MAD1L1: variants seen among roughly 807,000 people sequenced by gnomAD.
MAD1L1 encodes the protein mitotic spindle assembly checkpoint protein MAD1.
In MAD1L1, 95 loss-of-function variants were observed where a neutral mutation model predicts 96.9. That is an observed-to-expected ratio of 0.98 (90% CI 0.83 to 1.16). The LOEUF is 1.16. Ranked by LOEUF, MAD1L1 falls within the 50% of genes most tolerant of loss-of-function variation. The pLI is 0.00. For synonymous variants in MAD1L1, 473 were observed against 396.6 expected (o/e 1.19, Z -2.29); for missense variants, 1,007 against 954.4 (o/e 1.06, Z -0.73).
chr7:1,913,275 G>A (rs1164190256), intron 17 of MAD1L1, among the ~76,000 whole-genome samples: 2 of 151,826 alleles, frequency 1.3e-5, no homozygotes, highest in African/African-American at 4.8e-5. Flanking sequence ...TGGAAGGAGA[G>A]GGGCAAGGAG....
At chr7:1,902,614 C>G (rs1044197628) in intron 17 of MAD1L1, among the ~76,000 whole-genome samples, 1 of 152,256 alleles carries the variant, frequency 6.6e-6, no homozygotes, top group African/African-American at 2.4e-5. Context: ...CGCCCTTCCC[C>G]GGGGCCTGAG....
At chr7:1,859,945 A>ATGTGACATC in intron 18 of MAD1L1, among the ~76,000 whole-genome samples, 1 of 128,506 alleles carries the variant, frequency 7.8e-6, no homozygotes, top group South Asian at 2.3e-4. Context: ...GTCTCCCTAG[A>ATGTGACATC]CGTGACATCC....
At chr7:2,090,709 G>A (rs1786166488) in intron 11 of MAD1L1, among the ~76,000 whole-genome samples, 1 of 152,234 alleles carries the variant, frequency 6.6e-6, no homozygotes, top group Non-Finnish European at 1.5e-5. Context: ...GTTGAGGCTG[G>A]ACTGGAGCTA....
At chr7:2,006,976 G>A (rs923326119) in intron 13 of MAD1L1, among the ~76,000 whole-genome samples, 10 of 152,176 alleles carry the variant, frequency 6.6e-5, no homozygotes, top group Non-Finnish European at 1.0e-4. Context: ...GCTCAGAGCC[G>A]CGGGAGGGGA....
chr7:1,896,051 C>T (rs2128440850), intron 18 of MAD1L1, among the ~76,000 whole-genome samples: 2 of 152,352 alleles, frequency 1.3e-5, no homozygotes, highest in East Asian at 3.9e-4. Flanking sequence ...AGCCCGGCCT[C>T]CCGTACGCTG....
chr7:1,824,836 C>G (rs1035633028), intron 18 of MAD1L1, among the ~76,000 whole-genome samples: 2 of 152,014 alleles, frequency 1.3e-5, no homozygotes, highest in Non-Finnish European at 2.9e-5. Context: ...GAGAATCTGA[C>G]GCGTCCCAGG....
intron 12 of MAD1L1, among the ~76,000 whole-genome samples, chr7:2,060,589 A>C (rs1004116832): frequency 1.3e-5 from 2 of 152,204 alleles, no homozygotes; most frequent in Non-Finnish European, 2.9e-5. Flanking sequence ...TGGAAGGAGG[A>C]GGCAACGACG....
intron 18 of MAD1L1, among the ~76,000 whole-genome samples, chr7:1,824,873 C>T (rs879869354): frequency 1.1e-4 from 17 of 151,950 alleles, no homozygotes; most frequent in African/African-American, 3.6e-4. Flanking sequence ...TGGGGCGAGC[C>T]GGGGAGAAGA....
chr7:2,128,839 A>G (rs1788365727), intron 11 of MAD1L1, among the ~76,000 whole-genome samples: 2 of 152,168 alleles, frequency 1.3e-5, no homozygotes, highest in African/African-American at 2.4e-5. Context: ...CAGGAGCACA[A>G]GGCCCCATCT....
intron 10 of MAD1L1, among the ~76,000 whole-genome samples, chr7:2,189,300 C>G (rs1375819724): frequency 6.6e-6 from 1 of 152,212 alleles, no homozygotes; most frequent in East Asian, 1.9e-4. Flanking sequence ...CCACAGGATC[C>G]AGCAGGTTGA....
At chr7:2,225,065 C>T (rs1207563594) in intron 4 of MAD1L1, among the ~76,000 whole-genome samples, 2 of 152,224 alleles carry the variant, frequency 1.3e-5, no homozygotes, top group African/African-American at 4.8e-5. Flanking sequence ...ACAGACACAG[C>T]AAGTGTTCCC....
chr7:2,161,987 G>GGCCAGCCAC, intron 10 of MAD1L1, among the ~76,000 whole-genome samples: 3 of 141,436 alleles, frequency 2.1e-5, no homozygotes, highest in Admixed American at 2.1e-4. Flanking sequence ...GGCGGCCCCC[G>GGCCAGCCAC]CCCATCCGGG....
At position 2,137,915 on chromosome 7, in the gene MAD1L1, G is replaced by A. The variant is rs372278576; in HGVS notation, c.1073+11237C>T. ...TGATGGCAGCTGCTGCTCACAGAGC[G>A]TTTCTGTGCCGACGGTGCCATGTCG... is the stretch of plus-strand genomic sequence containing the variant. On this transcript the variant is annotated intron_variant, in intron 11 of 18. Coordinates refer to ENST00000265854, the MANE Select transcript of MAD1L1 (RefSeq NM_001013836.2). Among the ~76,000 whole-genome samples the A allele has an allele frequency of 6.6e-5, 10 of 152,352 alleles. No homozygotes were observed. The East Asian group carries it at 9.6e-4, about 15-fold the overall frequency.
Position 1,972,684 on chromosome 7 carries a change from T to A in MAD1L1, c.1505+7769A>T, listed in dbSNP as rs866570199. ...TTTTAATTTCATTGCTTTTTGCTCA[T>A]GTTATTTCCTTCATCCATGCTTGCT... On this transcript the variant is annotated intron_variant, in intron 15 of 18. Coordinates refer to ENST00000265854, the MANE Select transcript of MAD1L1 (RefSeq NM_001013836.2). Among the ~76,000 whole-genome samples, 8 of 152,176 alleles carry A rather than the reference T, an allele frequency of 5.3e-5. No individual in the cohort carries two copies. The South Asian group carries it at 6.2e-4, about 12-fold the overall frequency.
chr7:2,219,478 G>A (rs762430277), intron 5 of MAD1L1, 22 bp from the exon 6 acceptor site: 2 of 1,611,078 alleles, frequency 1.2e-6, no homozygotes, highest in South Asian at 2.2e-5. Context: ...GGGGACCAGA[G>A]AGCCGCTCAG....
rs546612235 is a variant in MAD1L1 at position 1,956,996 on chromosome 7, G to A, written c.1596+633C>T. On this transcript the variant is annotated intron_variant, in intron 16 of 18. Transcript: ENST00000265854. ...TGCTCAGCCCAACACCCAGAAAGAC[G>A]TTCAGCAGCTCTGACGCAGAGCCTC... Among the ~76,000 whole-genome samples the A allele has an allele frequency of 2.7e-4, 41 of 152,342 alleles. No homozygotes were observed. The East Asian group carries it at 3.3e-3, about 12-fold the overall frequency.
intron 12 of MAD1L1, among the ~76,000 whole-genome samples, chr7:2,053,912 C>G (rs1249854249): frequency 6.6e-6 from 1 of 152,260 alleles, no homozygotes; most frequent in East Asian, 1.9e-4. Flanking sequence ...CCCGAGGAGA[C>G]AGCCTTATCT....
intron 11 of MAD1L1, among the ~76,000 whole-genome samples, chr7:2,073,272 ATAATGCAAAAAC>A (rs1401640527): frequency 1.3e-5 from 2 of 152,358 alleles, no homozygotes; most frequent in African/African-American, 4.8e-5. Context: ...GCAAAGAGTA[ATAATGCAAAAAC>A]TCACTCTGGG....
chr7:1,882,904 T>C (rs560601212), intron 18 of MAD1L1, among the ~76,000 whole-genome samples: 2 of 151,900 alleles, frequency 1.3e-5, no homozygotes, highest in African/African-American at 2.4e-5. Context: ...CACCAAACCC[T>C]GCACCACAAA....
Sources: allele counts gnomAD v4.1 joint callset (sites outside exome capture counted in the v4.1 genomes callset), GRCh38; gene constraint gnomAD v4.1.1; transcripts MANE v1.5; gene names NCBI Gene and HGNC (gene_info 2026-07-23, HGNC 2026-07-21).